Variants in REV1 observed in about 807,000 individuals in gnomAD.
REV1 encodes translesion synthesis protein REV1.
In REV1, 42 loss-of-function variants were observed where a neutral mutation model predicts 137.4. That is an observed-to-expected ratio of 0.31 (90% CI 0.24 to 0.40). The LOEUF is 0.40. REV1 is among the 10% of genes least tolerant of loss of function. The pLI is 1.00. For synonymous variants in REV1, 524 were observed against 519.2 expected, an observed-to-expected ratio of 1.01 and a Z score of -0.12; for missense variants, 1,282 against 1,490.1, an observed-to-expected ratio of 0.86 and a Z score of 2.30.
chr2:99,403,651 ACT>A (rs759754631), intron 19 of REV1, 42 bp downstream of exon 19: 99 of 1,613,238 alleles, frequency 6.1e-5, no homozygotes, highest in Non-Finnish European at 7.7e-5. Context: ...TGACTCCATT[ACT>A]CTTTGTCTTC....
intron 1 of REV1, among the ~76,000 whole-genome samples, chr2:99,481,587 G>C (rs1175169935): frequency 1.3e-5 from 2 of 152,174 alleles, no homozygotes; most frequent in Admixed American, 1.3e-4. Flanking sequence ...TTGGGGCCCA[G>C]GCACAGTGGC....
intron 9 of REV1, among the ~76,000 whole-genome samples, chr2:99,428,886 G>C (rs1364674397): frequency 6.6e-6 from 1 of 151,988 alleles, no homozygotes; most frequent in Non-Finnish European, 1.5e-5. Context: ...CAGCTACTCG[G>C]GAGGCTGAGG....
intron 18 of REV1, 141 bp downstream of exon 18, chr2:99,404,303 A>ACT: frequency 1.4e-6 from 1 of 692,510 alleles, no homozygotes; most frequent in East Asian, 2.7e-5. Flanking sequence ...AGACAAGCCC[A>ACT]CTCTCCCCTC....
At chr2:99,419,142 T>C (rs1407426664) in intron 11 of REV1, among the ~76,000 whole-genome samples, 195 bp from the exon 12 acceptor site, 2 of 152,090 alleles carry the variant, frequency 1.3e-5, no homozygotes, top group Non-Finnish European at 2.9e-5. Flanking sequence ...AGGTTTCTCT[T>C]TGCTCTAACG....
intron 1 of REV1, among the ~76,000 whole-genome samples, chr2:99,482,779 G>A (rs1686754674): frequency 6.6e-6 from 1 of 152,072 alleles, no homozygotes; most frequent in Admixed American, 6.5e-5. Flanking sequence ...ACTTTGGGAG[G>A]CCGAGGCAGG....
intron 4 of REV1, among the ~76,000 whole-genome samples, chr2:99,447,211 C>G (rs1682333681): frequency 6.6e-6 from 1 of 151,414 alleles, no homozygotes; most frequent in Non-Finnish European, 1.5e-5. Context: ...GGCTGGAGTG[C>G]AGTGGCGTGA....
At chr2:99,484,296 TG>T (rs1003148695) in intron 1 of REV1, among the ~76,000 whole-genome samples, 11 of 152,128 alleles carry the variant, frequency 7.2e-5, no homozygotes, top group Non-Finnish European at 1.3e-4. Context: ...ACCTGAGTGA[TG>T]AAACAATCTG....
At chr2:99,462,351 G>T in intron 3 of REV1, 145 bp downstream of exon 3, 1 of 745,314 alleles carries the variant, frequency 1.3e-6, no homozygotes, top group Non-Finnish European at 2.1e-6. Flanking sequence ...AAAGGAAAAA[G>T]AAGTATCTAA....
At chr2:99,468,926 T>G (rs1027466735) in intron 1 of REV1, among the ~76,000 whole-genome samples, 25 of 152,186 alleles carry the variant, frequency 1.6e-4, no homozygotes, top group Admixed American at 3.9e-4. Flanking sequence ...ACATCATTAT[T>G]TTAAGTCAGT....
chr2:99,429,734 G>T, intron 9 of REV1, 106 bp downstream of exon 9: 1 of 704,274 alleles, frequency 1.4e-6, no homozygotes, highest in Non-Finnish European at 2.3e-6. Flanking sequence ...CTCATAACAC[G>T]TCTGTAACAT....
chr2:99,477,946 T>G (rs1417857525), intron 1 of REV1, among the ~76,000 whole-genome samples: 2 of 152,156 alleles, frequency 1.3e-5, no homozygotes, highest in African/African-American at 4.8e-5. Flanking sequence ...ATAAAGTACC[T>G]AGGAGGCTAG....
intron 11 of REV1, among the ~76,000 whole-genome samples, chr2:99,420,332 G>A (rs978150319): frequency 2.0e-5 from 3 of 152,092 alleles, no homozygotes; most frequent in African/African-American, 7.2e-5. Context: ...CCTCTTACCT[G>A]GAAGCACACT....
At chr2:99,459,282 T>C (rs112234696) in intron 3 of REV1, among the ~76,000 whole-genome samples, 19 of 152,280 alleles carry the variant, frequency 1.2e-4, no homozygotes, top group African/African-American at 4.1e-4. Context: ...AATTTCCCAG[T>C]TGTGACACTG....
At chr2:99,460,330 C>T (rs896456344) in intron 3 of REV1, among the ~76,000 whole-genome samples, 3 of 152,210 alleles carry the variant, frequency 2.0e-5, no homozygotes, top group Non-Finnish European at 4.4e-5. Context: ...CCGCCTCGGC[C>T]TCCCAAAGTG....
chr2:99,411,744 G>A (rs536858492), intron 13 of REV1, among the ~76,000 whole-genome samples: 6 of 151,800 alleles, frequency 4.0e-5, no homozygotes, highest in South Asian at 2.1e-4. Context: ...CTGACTTGTC[G>A]AAAATTCTTT....
intron 3 of REV1, 142 bp from the exon 4 acceptor site, chr2:99,449,646 G>A (rs904980461): frequency 3.6e-5 from 15 of 420,370 alleles, no homozygotes; most frequent in Non-Finnish European, 5.2e-5. Context: ...ACAAAGCTGG[G>A]AGGTAAATCA....
At position 99,488,261 on chromosome 2, in the gene REV1, G is replaced by C. The variant is rs547759028; in HGVS notation, c.-11+1556C>G. Reference sequence around the variant, plus strand: ...GAATCAGAGTTTTGAAGTTGCGAGTGGGAAGTTGGAAATGTAGTGATCTTA... The same window carrying C: ...GAATCAGAGTTTTGAAGTTGCGAGTCGGAAGTTGGAAATGTAGTGATCTTA... On this transcript the variant is annotated intron_variant, in intron 1 of 22. Transcript: ENST00000258428. Among the ~76,000 whole-genome samples, 5 of 118,786 alleles carry C rather than the reference G, an allele frequency of 4.2e-5. No homozygotes were observed. In the East Asian group the frequency reaches 1.1e-3, roughly 27 times the overall value. 77.9% of individuals were successfully genotyped at this position (118,786 alleles called of 152,430 possible). A position where few individuals can be genotyped will look rare whatever the true frequency, so the allele number is the denominator to read the frequency against.
intron 2 of REV1, 144 bp from the exon 3 acceptor site, chr2:99,462,766 T>C: frequency 1.2e-6 from 1 of 821,388 alleles, no homozygotes; most frequent in South Asian, 1.8e-5. Context: ...CTCATAAACA[T>C]AAACCATAAG....
chr2:99,442,273 A>AAC (rs1681607132), intron 5 of REV1, 44 bp downstream of exon 5: 1 of 1,489,566 alleles, frequency 6.7e-7, no homozygotes, highest in Non-Finnish European at 9.0e-7. Flanking sequence ...AAAAAAAAAA[A>AAC]AAACCAACCA....
Sources: gnomAD v4.1 joint callset for allele counts (sites outside exome capture counted in the v4.1 genomes callset) on GRCh38, gnomAD v4.1.1 for gene constraint, MANE v1.5 for transcripts, NCBI Gene and HGNC (gene_info 2026-07-23, HGNC 2026-07-21) for gene names.